MPDZ: variants seen among roughly 807,000 people sequenced by gnomAD.
MPDZ encodes the protein multiple PDZ domain protein.
MPDZ carries 234 observed loss-of-function variants against 239.1 expected under a neutral mutation model. The observed-to-expected ratio is 0.98, with a 90% confidence interval of 0.88 to 1.09. The LOEUF (loss-of-function observed/expected upper bound fraction) is 1.09, where lower values mean the gene tolerates loss of function less well. MPDZ is among the 50% of genes least tolerant of loss of function. MPDZ has a pLI of 0.00. For synonymous variants in MPDZ, 1,048 were observed against 881.3 expected, an observed-to-expected ratio of 1.19 and a Z score of -3.35; for missense variants, 3,175 against 2,510.0, an observed-to-expected ratio of 1.26 and a Z score of -5.66.
intron 10 of MPDZ, among the ~76,000 whole-genome samples, chr9:13,207,307 G>T (rs1338186030): frequency 6.6e-6 from 1 of 151,964 alleles, no homozygotes; most frequent in Non-Finnish European, 1.5e-5. Flanking sequence ...AACTCCTTAG[G>T]ACAATGCTCC....
intron 42 of MPDZ, among the ~76,000 whole-genome samples, 162 bp downstream of exon 42, chr9:13,112,849 A>G (rs1338536652): frequency 1.3e-5 from 2 of 152,268 alleles, no homozygotes; most frequent in Admixed American, 1.3e-4. Context: ...TGTGATCAGG[A>G]AATTCATTAA....
rs762861229 is a variant in MPDZ at position 13,109,938 on chromosome 9, A to G, written c.5942+14T>C. The stretch of plus-strand genomic sequence containing the variant: ...AGTGAAAAATGATACACTAATCATC[A>G]TGTATGAACTCACCCTAAATCATCC... On this transcript the variant is annotated intron_variant, in intron 45 of 46. Transcript: ENST00000319217. The G allele has an allele frequency of 6.3e-7, 1 of 1,589,516 alleles. No homozygotes were observed. The highest frequency in any genetic ancestry group is 1.3e-5 in the African/African-American group (1 of 74,562).
rs2132359556 is a variant in MPDZ, at chr9:13,138,087, T to C, written c.4070A>G (p.His1357Arg). 2 of 1,613,678 alleles carry C rather than the reference T, an allele frequency of 1.2e-6. No individual in the cohort carries two copies. Among genetic ancestry groups the C allele is most frequent in the Non-Finnish European group, 8.5e-7 (1 of 1,179,710 alleles). Reference protein sequence around the residue: ...ELHMIELEKGHSGLGLSLAGN... With the variant: ...ELHMIELEKGRSGLGLSLAGN... Reference sequence around the variant, plus strand: ...AGCAAGACTTAGGCCCAAACCACTATGACCTTTCTCCAGTTCAATCATATG... The same window carrying C: ...AGCAAGACTTAGGCCCAAACCACTACGACCTTTCTCCAGTTCAATCATATG... The change falls in exon 29 of 47, where the codon CAT becomes CGT. Residue 1357 changes from histidine (H) to arginine (R), a missense_variant. Coordinates refer to ENST00000319217, the MANE Select transcript of MPDZ (RefSeq NM_001378778.1).
chr9:13,232,549 G>A (rs774966986), intron 3 of MPDZ, among the ~76,000 whole-genome samples: 1 of 151,214 alleles, frequency 6.6e-6, no homozygotes, highest in African/African-American at 2.4e-5. Flanking sequence ...AATTTAAAAG[G>A]TAAAACTTTA....
At chr9:13,260,206 G>C (rs978539696) in intron 1 of MPDZ, among the ~76,000 whole-genome samples, 31 of 151,972 alleles carry the variant, frequency 2.0e-4, no homozygotes, top group Non-Finnish European at 3.5e-4. Flanking sequence ...GATCACTCTG[G>C]CAATGGTATG....
intron 29 of MPDZ, among the ~76,000 whole-genome samples, chr9:13,137,603 A>G (rs1418865443): frequency 6.6e-6 from 1 of 152,112 alleles, no homozygotes; most frequent in Non-Finnish European, 1.5e-5. Flanking sequence ...AAGTTCCAGA[A>G]TGTCCAGTGG....
rs1969655802 is a variant in MPDZ, at chr9:13,257,240, G to A, written c.-57-6868C>T. ...TTAGGCACCAGAGTGCTAGGCAAGTGCAGTTTATACACGTTCCATCATGCA... is the reference window on the plus strand; with the variant it reads ...TTAGGCACCAGAGTGCTAGGCAAGTACAGTTTATACACGTTCCATCATGCA... On this transcript the variant is annotated intron_variant, in intron 1 of 46. Transcript: ENST00000319217. 2.6e-5 allele frequency among the ~76,000 whole-genome samples: 4 copies of A among 152,288 alleles called. No homozygotes were observed. The South Asian group carries it at 8.3e-4, about 32-fold the overall frequency.
In MPDZ at chr9:13,109,034, G is replaced by A. The variant is rs538619524; in HGVS notation, c.5968C>T (p.Leu1990=). The A allele has an allele frequency of 6.4e-7, 1 of 1,565,818 alleles. No homozygotes were observed. Among genetic ancestry groups the A allele is most frequent in the Non-Finnish European group, 8.7e-7 (1 of 1,153,430 alleles). ...CCTAAGCCATCTGGTCCTCGCTCTA[G>A]TGTAATAGACTTACATTGAGGAGGT... ...LGPPQCKSIT[L]ERGPDGLGFS... The change falls in exon 46 of 47, where the codon CTA becomes TTA. Residue 1990 remains leucine, a synonymous_variant. Coordinates refer to ENST00000319217, the MANE Select transcript of MPDZ (RefSeq NM_001378778.1).
At chr9:13,170,425 T>C (rs922499604) in intron 21 of MPDZ, among the ~76,000 whole-genome samples, 1 of 152,268 alleles carries the variant, frequency 6.6e-6, no homozygotes, top group East Asian at 1.9e-4. Flanking sequence ...GATTTTGAAG[T>C]GTATTGTTAA....
At chr9:13,162,197 G>A (rs1163075191) in intron 23 of MPDZ, among the ~76,000 whole-genome samples, 1 of 151,470 alleles carries the variant, frequency 6.6e-6, no homozygotes, top group Non-Finnish European at 1.5e-5. Flanking sequence ...CCAGGAGGTA[G>A]AGGCTGCAGT....
intron 1 of MPDZ, among the ~76,000 whole-genome samples, chr9:13,251,746 G>C (rs1356136916): frequency 6.6e-6 from 1 of 152,210 alleles, no homozygotes; most frequent in African/African-American, 2.4e-5. Flanking sequence ...AGCTCTGTGT[G>C]ATAAGAGAGA....
intron 21 of MPDZ, among the ~76,000 whole-genome samples, chr9:13,170,414 C>A (rs764238811): frequency 2.6e-5 from 4 of 152,014 alleles, no homozygotes; most frequent in Non-Finnish European, 5.9e-5. Flanking sequence ...CTCATACTAA[C>A]GATTTTGAAG....
intron 3 of MPDZ, 82 bp from the exon 4 acceptor site, chr9:13,224,665 T>G: frequency 1.1e-6 from 1 of 940,242 alleles, no homozygotes; most frequent in Non-Finnish European, 1.6e-6. Context: ...TACAAGGACA[T>G]ACAAATGAAA....
Position 13,223,577 on chromosome 9 carries a change from G to A in MPDZ, c.527C>T (p.Ala176Val), listed in dbSNP as rs980634891. The A allele has an allele frequency of 2.5e-6, 4 of 1,610,342 alleles. No homozygotes were observed. The highest frequency in any genetic ancestry group is 2.2e-5 in the East Asian group (1 of 44,736). The change falls in exon 5 of 47, where the codon GCC (alanine) becomes GTC (valine). Residue 176 changes from alanine to valine, a missense_variant. Ala to Val is a moderately conservative substitution (Grantham distance 64). Transcript: ENST00000319217. ...GACGCCGCGACCATCTCACCTATGG[G>A]CCACACTGCCCTCTTGTATCTCTTG... The part of the protein sequence containing the change: ...FVQEIQEGSV[A>V]HRDGRLKETD...
intron 21 of MPDZ, among the ~76,000 whole-genome samples, chr9:13,172,164 C>T (rs749639671): frequency 1.1e-4 from 16 of 152,046 alleles, no homozygotes; most frequent in Non-Finnish European, 2.2e-4. Context: ...GTTGCCTTGG[C>T]ATGCAGTAAA....
chr9:13,224,486 A>G lies in MPDZ; in HGVS notation c.281T>C (p.Leu94Ser). 6.2e-7 allele frequency: 1 copy of G among 1,612,914 alleles called. No homozygotes were observed. The highest frequency in any genetic ancestry group is 8.5e-7 in the Non-Finnish European group (1 of 1,179,234). Reference protein sequence around the residue: ...VIPTLQNESFLLSPNNGNLEA... With the variant: ...VIPTLQNESFSLSPNNGNLEA... ...CAGATTCCCATTGTTTGGGGATAAT[A>G]AAAACGATTCATTTTGCAGAGTAGG... The change falls in exon 4 of 47, where the codon TTA becomes TCA. Residue 94 changes from leucine to serine, a missense_variant. Transcript: ENST00000319217.
intron 1 of MPDZ, among the ~76,000 whole-genome samples, chr9:13,272,063 T>C (rs992619461): frequency 2.6e-5 from 4 of 152,166 alleles, no homozygotes; most frequent in African/African-American, 7.2e-5. Context: ...ACTATCTTGA[T>C]TGTGGGGGAT....
chr9:13,170,760 A>G (rs1223057450), intron 21 of MPDZ, among the ~76,000 whole-genome samples: 1 of 152,204 alleles, frequency 6.6e-6, no homozygotes, highest in African/African-American at 2.4e-5. Flanking sequence ...TAGCATATTT[A>G]ACTCACGATT....
In MPDZ at chr9:13,198,737, CTG is replaced by C. The variant is rs1554691393; in HGVS notation, c.1547-2509_1547-2508del. 2.7e-4 allele frequency among the ~76,000 whole-genome samples: 19 copies of C among 69,748 alleles called. 1 individual carries two copies. The highest frequency in any genetic ancestry group is 4.6e-4 in the Admixed American group (3 of 6,526). The allele number at this position is 69,748 out of a possible 152,430, so 45.8% of individuals were successfully genotyped here. ...ATATTTAGGTCTTTAATCTCTCTCT[CTG>C]TGTGTGTGTGTGTGTGTGTGTGTGT... On this transcript the variant is annotated intron_variant, in intron 12 of 46. Coordinates refer to ENST00000319217, the MANE Select transcript of MPDZ (RefSeq NM_001378778.1).
Sources: allele counts gnomAD v4.1 joint callset (sites outside exome capture counted in the v4.1 genomes callset), GRCh38; gene constraint gnomAD v4.1.1; transcripts MANE v1.5; gene names NCBI Gene and HGNC (gene_info 2026-07-23, HGNC 2026-07-21).